The following TTBK2 variants were observed in gnomAD, a reference collection of about 807,000 sequenced individuals.
TTBK2 encodes tau tubulin kinase 2.
Under a neutral mutation model 110.8 loss-of-function variants are expected in TTBK2, and 28 were observed. The ratio of observed to expected loss-of-function variants is 0.25; its 90% CI spans 0.19 to 0.35. The LOEUF (loss-of-function observed/expected upper bound fraction) is 0.35, where lower values mean the gene tolerates loss of function less well. TTBK2 is among the 10% of genes least tolerant of loss of function. The pLI is 1.00. For missense variants in TTBK2, 1,369 were observed against 1,500.3 expected (o/e 0.91, Z 1.45); for synonymous variants, 532 against 527.3 (o/e 1.01, Z -0.12).
intron 4 of TTBK2, among the ~76,000 whole-genome samples, chr15:42,837,474 A>G (rs1188788014): frequency 6.6e-6 from 1 of 152,098 alleles, no homozygotes; most frequent in Non-Finnish European, 1.5e-5. Context: ...CCTGGGCAAA[A>G]TGGTGAAACC....
chr15:42,890,723 T>C (rs1895421875), intron 1 of TTBK2, among the ~76,000 whole-genome samples: 1 of 152,174 alleles, frequency 6.6e-6, no homozygotes, highest in Non-Finnish European at 1.5e-5. Context: ...ACTCCAAGCT[T>C]CAGGATGGGG....
chr15:42,797,059 G>A (rs1890976276), intron 9 of TTBK2, among the ~76,000 whole-genome samples: 1 of 152,170 alleles, frequency 6.6e-6, no homozygotes. Flanking sequence ...AAATAAAGAT[G>A]GACTGGAACC....
intron 1 of TTBK2, among the ~76,000 whole-genome samples, chr15:42,881,450 G>A (rs1420366788): frequency 4.0e-5 from 6 of 149,130 alleles, no homozygotes; most frequent in Non-Finnish European, 5.9e-5. Context: ...ACAATCAATA[G>A]ATGCAAATGC....
intron 10 of TTBK2, among the ~76,000 whole-genome samples, chr15:42,790,149 T>G (rs1230621447): frequency 6.6e-6 from 1 of 152,122 alleles, no homozygotes; most frequent in East Asian, 1.9e-4. Flanking sequence ...ATAAAAGACC[T>G]ATATGTTAAG....
chr15:42,866,706 T>C (rs1265950028), intron 3 of TTBK2, among the ~76,000 whole-genome samples: 1 of 152,120 alleles, frequency 6.6e-6, no homozygotes, highest in African/African-American at 2.4e-5. Flanking sequence ...ATAGAAATCA[T>C]ACAATGTCTG....
chr15:42,901,147 G>A (rs902454970), intron 1 of TTBK2, among the ~76,000 whole-genome samples: 2 of 152,226 alleles, frequency 1.3e-5, no homozygotes, highest in Non-Finnish European at 2.9e-5. Context: ...GATCACCTGA[G>A]GTCAGGAGTT....
chr15:42,856,247 T>C (rs1286084983), intron 3 of TTBK2, among the ~76,000 whole-genome samples: 4 of 152,188 alleles, frequency 2.6e-5, no homozygotes, highest in African/African-American at 4.8e-5. Flanking sequence ...ATTAATCCTC[T>C]AGATCTAATT....
At chr15:42,755,110 T>C (rs1407143778) in intron 13 of TTBK2, among the ~76,000 whole-genome samples, 2 of 151,604 alleles carry the variant, frequency 1.3e-5, no homozygotes, top group Non-Finnish European at 2.9e-5. Context: ...AGATTCAATA[T>C]CTAATAAGAA....
intron 7 of TTBK2, among the ~76,000 whole-genome samples, chr15:42,813,864 A>C (rs1891830416): frequency 6.6e-6 from 1 of 152,168 alleles, no homozygotes; most frequent in African/African-American, 2.4e-5. Context: ...TCTTAAAAAA[A>C]AAAAAGTAAC....
chr15:42,920,812 C>T (rs879427118), upstream of TTBK2: 3 of 152,988 alleles, frequency 2.0e-5, no homozygotes, highest in African/African-American at 2.4e-5. Context: ...GTTATTCTCC[C>T]CCCTCGTAAC....
intron 3 of TTBK2, among the ~76,000 whole-genome samples, chr15:42,859,342 A>C (rs1718027398): frequency 6.6e-6 from 1 of 152,122 alleles, no homozygotes; most frequent in Non-Finnish European, 1.5e-5. Flanking sequence ...TCCTGGGCTC[A>C]AGCAATCCAC....
At position 42,764,560 on chromosome 15, in the gene TTBK2, G is replaced by A. The variant is rs142188475; in HGVS notation, c.1998+10575C>T. Among the ~76,000 whole-genome samples, 1,224 of 152,364 alleles carry A rather than the reference G, an allele frequency of 8.0e-3. 21 individuals carry two copies. The highest frequency in any genetic ancestry group is 0.028 in the African/African-American group (1,166 of 41,586). On this transcript the variant is annotated intron_variant, in intron 13 of 14. Coordinates refer to ENST00000267890, the MANE Select transcript of TTBK2 (RefSeq NM_173500.4). ...GCAGCAGCCTGGCAGGGGGAGGGGCGTCTGCCATTGCTGAGGCTTGAGTAG... is the reference window on the plus strand; with the variant it reads ...GCAGCAGCCTGGCAGGGGGAGGGGCATCTGCCATTGCTGAGGCTTGAGTAG...
intron 3 of TTBK2, among the ~76,000 whole-genome samples, chr15:42,844,371 C>T (rs900386867): frequency 6.6e-6 from 1 of 152,102 alleles, no homozygotes; most frequent in Non-Finnish European, 1.5e-5. Context: ...CCAGCCTGGA[C>T]AACATGGCAA....
At position 42,872,606 on chromosome 15, in the gene TTBK2, C is replaced by A; in HGVS notation, c.217+5G>T. 6.2e-7 allele frequency: 1 copy of A among 1,614,032 alleles called. No individual in the cohort carries two copies. Reference sequence around the variant, plus strand: ...CATAAATTGTATATTCTACAAAGGGCTTACCTTGCAGCTTTTTCAAAACAG... The same window carrying A: ...CATAAATTGTATATTCTACAAAGGGATTACCTTGCAGCTTTTTCAAAACAG... On this transcript the variant is annotated splice_donor_5th_base_variant and intron_variant, in intron 3 of 14. Transcript: ENST00000267890.
chr15:42,779,649 C>T (rs896727587), intron 11 of TTBK2, among the ~76,000 whole-genome samples: 2 of 152,036 alleles, frequency 1.3e-5, no homozygotes. Flanking sequence ...TTTGAAAGTC[C>T]ATATAAACAT....
At position 42,766,446 on chromosome 15, in the gene TTBK2, C is replaced by CAAAAAAAAAAAAAAAAAAAAAA. The variant is rs567972612; in HGVS notation, c.1998+8688_1998+8689insTTTTTTTTTTTTTTTTTTTTTT. Among the ~76,000 whole-genome samples, 15 of 30,854 alleles carry CAAAAAAAAAAAAAAAAAAAAAA rather than the reference C, an allele frequency of 4.9e-4. 1 individual carries two copies. Among genetic ancestry groups the CAAAAAAAAAAAAAAAAAAAAAA allele is most frequent in the African/African-American group, 1.9e-3 (6 of 3,082 alleles). The allele number at this position is 30,854 out of a possible 152,430, so 20.2% of individuals were successfully genotyped here. A position where few individuals can be genotyped will look rare whatever the true frequency, so the allele number is the denominator to read the frequency against. ...GAAGATCTACCAAGCGAATGGAAAG[C>CAAAAAAAAAAAAAAAAAAAAAA]AAAAAAAAAAAAAAAAAAAAAGCAA... On this transcript the variant is annotated intron_variant, in intron 13 of 14. Coordinates refer to ENST00000267890, the MANE Select transcript of TTBK2 (RefSeq NM_173500.4).
At position 42,745,980 on chromosome 15, in the gene TTBK2, G is replaced by A; in HGVS notation, c.3550C>T (p.His1184Tyr). 1 of 1,614,170 alleles carries A rather than the reference G, an allele frequency of 6.2e-7. No individual in the cohort carries two copies. The highest frequency in any genetic ancestry group is 8.5e-7 in the Non-Finnish European group (1 of 1,180,024). The change falls in exon 15 of 15, where the codon CAT (histidine) becomes TAT (tyrosine). Residue 1184 changes from histidine to tyrosine, a missense_variant. Around this residue, in one of 4 missense-constraint regions of TTBK2, gnomAD observed 1,097 missense variants for 1,114.7 expected, o/e 0.98. Coordinates refer to ENST00000267890, the MANE Select transcript of TTBK2 (RefSeq NM_173500.4). ...PHHDQRSSSP[H>Y]LGRSKSPPSH... Reference sequence around the variant, plus strand: ...GGAGGTGACTTGCTTCTCCCCAGATGTGGGGACGAACTCCTCTGGTCATGG... The same window carrying A: ...GGAGGTGACTTGCTTCTCCCCAGATATGGGGACGAACTCCTCTGGTCATGG...
chr15:42,844,686 T>C (rs1893374238), intron 3 of TTBK2, among the ~76,000 whole-genome samples: 1 of 152,250 alleles, frequency 6.6e-6, no homozygotes, highest in Non-Finnish European at 1.5e-5. Flanking sequence ...TTCTCCATTT[T>C]TCAAATACAG....
intron 2 of TTBK2, among the ~76,000 whole-genome samples, chr15:42,873,522 C>T (rs976407126): frequency 6.6e-6 from 1 of 152,098 alleles, no homozygotes; most frequent in African/African-American, 2.4e-5. Flanking sequence ...ACAGGGTCCA[C>T]AGAGCAGGCA....
Sources: allele counts gnomAD v4.1 joint callset (sites outside exome capture counted in the v4.1 genomes callset), GRCh38; gene constraint gnomAD v4.1.1; regional missense constraint gnomAD v4.1.1; transcripts MANE v1.5; gene names NCBI Gene and HGNC (gene_info 2026-07-23, HGNC 2026-07-21).